Variants in STAT3 observed in about 807,000 individuals in gnomAD.
STAT3 encodes the protein signal transducer and activator of transcription 3, also known as DNA-binding protein APRF.
STAT3 carries 7 observed loss-of-function variants against 114.3 expected under a neutral mutation model. The ratio of observed to expected loss-of-function variants is 0.06; its 90% CI spans 0.03 to 0.11. The LOEUF is 0.11. STAT3 is among the 10% of genes least tolerant of loss of function. The pLI is 1.00. For missense variants in STAT3, 364 were observed against 960.9 expected, an observed-to-expected ratio of 0.38 and a Z score of 8.21; for synonymous variants, 331 against 354.5, an observed-to-expected ratio of 0.93 and a Z score of 0.74.
At position 42,384,123 on chromosome 17, in the gene STAT3, TA is replaced by T. The variant is rs1353180405; in HGVS notation, c.-24+4155del. On this transcript the variant is annotated intron_variant, in intron 1 of 23. Coordinates refer to ENST00000264657, the MANE Select transcript of STAT3 (RefSeq NM_139276.3). ...GGCTCCAAAGTTTTATTTATTTATT[TA>T]TTTATTTATTTTTTTTTTTTTTGAG... is the stretch of plus-strand genomic sequence containing the variant. 1.2e-4 allele frequency among the ~76,000 whole-genome samples: 10 copies of T among 82,838 alleles called. No homozygotes were observed. The East Asian group carries it at 1.3e-3, about 11-fold the overall frequency. 54.3% of individuals were successfully genotyped at this position (82,838 alleles called of 152,430 possible). A position where few individuals can be genotyped will look rare whatever the true frequency, so the allele number is the denominator to read the frequency against.
chr17:42,379,180 G>C (rs8071969), intron 1 of STAT3, among the ~76,000 whole-genome samples: 2,218 of 152,264 alleles, frequency 0.015, 60 homozygotes, highest in African/African-American at 0.047. Flanking sequence ...CCACAATAGG[G>C]AAGCCAAGCC....
At chr17:42,326,050 A>G in intron 15 of STAT3, 66 bp downstream of exon 15, 3 of 1,359,696 alleles carry the variant, frequency 2.2e-6, no homozygotes, top group Non-Finnish European at 3.2e-6. Flanking sequence ...TAAAAATCCC[A>G]GTGGAAGTTT....
intron 8 of STAT3, among the ~76,000 whole-genome samples, chr17:42,335,993 T>C (rs2082215026): frequency 1.3e-5 from 2 of 152,154 alleles, no homozygotes; most frequent in African/African-American, 2.4e-5. Context: ...GCTGCAGGGA[T>C]TTCTGAACTC....
At position 42,315,287 on chromosome 17, in the gene STAT3, T is replaced by C. The variant is rs1388933487; in HGVS notation, c.*458A>G. On this transcript the variant is annotated 3_prime_UTR_variant, in exon 24 of 24. Coordinates refer to ENST00000264657, the MANE Select transcript of STAT3 (RefSeq NM_139276.3). ...ATCTTCTATTTGGATGTCAGCAAGG[T>C]TAAAAAGTGCAATGCCAGGAGTATG... is the stretch of plus-strand genomic sequence containing the variant. 3.1e-6 allele frequency: 1 copy of C among 326,620 alleles called. No individual in the cohort carries two copies. Among genetic ancestry groups the C allele is most frequent in the African/African-American group, 2.1e-5 (1 of 47,068 alleles). The allele number at this position is 326,620 out of a possible 1,614,324, so 20.2% of individuals were successfully genotyped here.
At position 42,325,045 on chromosome 17, in the gene STAT3, A is replaced by G; in HGVS notation, c.1382T>C (p.Val461Ala). 1 of 1,613,994 alleles carries G rather than the reference A, an allele frequency of 6.2e-7. No homozygotes were observed. Among genetic ancestry groups the G allele is most frequent in the Non-Finnish European group, 8.5e-7 (1 of 1,179,922 alleles). The stretch of plus-strand genomic sequence containing the variant: ...CTGACAGATGTTGGAGATCACCACA[A>G]CTGGCAAGGAGTGGGTCTGCGGAGG... ...KIDLETHSLP[V>A]VVISNICQMP... The change falls in exon 16 of 24, where the codon GTT (valine) becomes GCT (alanine). Residue 461 changes from valine (V) to alanine (A), a missense_variant. Val to Ala is a moderately conservative substitution (Grantham distance 64). Around this residue, in one of 5 missense-constraint regions of STAT3, gnomAD observed 294 missense variants for 745.1 expected, o/e 0.39. Coordinates refer to ENST00000264657, the MANE Select transcript of STAT3 (RefSeq NM_139276.3).
At chr17:42,367,096 C>T (rs928690956) in intron 1 of STAT3, among the ~76,000 whole-genome samples, 2 of 150,898 alleles carry the variant, frequency 1.3e-5, no homozygotes, top group African/African-American at 2.4e-5. Context: ...GAGCTGAGAT[C>T]GCGCCACTGC....
At chr17:42,316,999 A>G (rs2081280494) in intron 22 of STAT3, 98 bp from the exon 23 acceptor site, 2 of 1,564,526 alleles carry the variant, frequency 1.3e-6, no homozygotes, top group South Asian at 1.2e-5. Context: ...AAGCCATCAA[A>G]CTCTGGTCTC....
intron 1 of STAT3, among the ~76,000 whole-genome samples, chr17:42,373,308 C>T (rs1201943819): frequency 1.3e-5 from 2 of 152,004 alleles, no homozygotes; most frequent in Non-Finnish European, 2.9e-5. Flanking sequence ...CGAGATCATG[C>T]CATTGCACTC....
intron 4 of STAT3, among the ~76,000 whole-genome samples, chr17:42,343,042 T>C (rs1180913035): frequency 6.7e-6 from 1 of 148,386 alleles, no homozygotes; most frequent in Non-Finnish European, 1.5e-5. Context: ...CATGGTGGCA[T>C]GTGCCTGTAG....
At position 42,316,662 on chromosome 17, in the gene STAT3, T is replaced by C. The variant is rs771372774; in HGVS notation, c.2257+127A>G. The C allele has an allele frequency of 1.6e-5, 24 of 1,545,624 alleles. No individual in the cohort carries two copies. The Admixed American group carries it at 1.6e-4, about 10-fold the overall frequency. On this transcript the variant is annotated intron_variant, in intron 23 of 23. Transcript: ENST00000264657. ...CATGTGGCATTCATACCATCTCTTT[T>C]GGAAAGCAAAGCTCTAGAATCTCCT...
chr17:42,343,476 T>G (rs976259319), intron 4 of STAT3, among the ~76,000 whole-genome samples: 14 of 114,802 alleles, frequency 1.2e-4, no homozygotes, highest in Non-Finnish European at 2.1e-4. Flanking sequence ...TTTTTTTTTT[T>G]CAGTCGGAGT....
rs934272651 is a variant in STAT3, at chr17:42,324,127, T to C, written c.1601-502A>G. Among the ~76,000 whole-genome samples the C allele has an allele frequency of 6.6e-6, 1 of 152,150 alleles. No homozygotes were observed. Among genetic ancestry groups the C allele is most frequent in the Non-Finnish European group, 1.5e-5 (1 of 68,016 alleles). ...CGAGGTGAAGAGACGGAGACTATCC[T>C]GGCCAACATGGTAAAACCCCGTCTC... On this transcript the variant is annotated intron_variant, in intron 17 of 23. Coordinates refer to ENST00000264657, the MANE Select transcript of STAT3 (RefSeq NM_139276.3). This position sits in a 1 kb window ranked among gnomAD's most constrained non-coding sequence, Gnocchi z 4.5.
rs2084374286 is a variant in STAT3, at chr17:42,375,030, C to G, written c.-24+13249G>C. Among the ~76,000 whole-genome samples, 5 of 152,328 alleles carry G rather than the reference C, an allele frequency of 3.3e-5. No homozygotes were observed. The South Asian group carries it at 1.0e-3, about 32-fold the overall frequency. ...AAAGGCTATTCTTTACCAGAATCGT[C>G]TGTAGGAATTAACCCCAGCAGTCAG... On this transcript the variant is annotated intron_variant, in intron 1 of 23. Coordinates refer to ENST00000264657, the MANE Select transcript of STAT3 (RefSeq NM_139276.3).
intron 1 of STAT3, among the ~76,000 whole-genome samples, chr17:42,384,495 A>G (rs1044632253): frequency 2.6e-5 from 4 of 151,842 alleles, no homozygotes; most frequent in Non-Finnish European, 4.4e-5. Flanking sequence ...CCTGTATTCA[A>G]TGTCTTTTGT....
chr17:42,315,428 G>A lies in STAT3; in HGVS notation c.*317C>T, dbSNP rs988675518. On this transcript the variant is annotated 3_prime_UTR_variant, in exon 24 of 24. Transcript: ENST00000264657. ...CAATAACAAAAAGCTGCTGAGAAAG[G>A]AGGGCAGGGGAACAAAACAACACAA... The A allele has an allele frequency of 2.0e-6, 1 of 498,390 alleles. No individual in the cohort carries two copies. The highest frequency in any genetic ancestry group is 2.2e-5 in the South Asian group (1 of 46,398). The allele number at this position is 498,390 out of a possible 1,614,324, so 30.9% of individuals were successfully genotyped here.
At chr17:42,334,339 G>A (rs938757213) in intron 8 of STAT3, among the ~76,000 whole-genome samples, 1 of 151,708 alleles carries the variant, frequency 6.6e-6, no homozygotes, top group African/African-American at 2.4e-5. Context: ...GGAGTGCAGT[G>A]GTGCAATCTC....
rs373256669 is a variant in STAT3 at position 42,322,334 on chromosome 17, G to A, written c.2049C>T (p.Phe683=). 5.4e-5 allele frequency: 87 copies of A among 1,614,096 alleles called. No individual in the cohort carries two copies. The African/African-American group carries it at 5.7e-4, about 11-fold the overall frequency. The part of the protein sequence containing the change: ...LYPDIPKEEA[F]GKYCRPESQE... ...GGCTCTCTGGCCGACAATACTTTCC[G>A]AATGCCTCCTCCTTGGGAATGTCAG... The change falls in exon 21 of 24, where the codon TTC becomes TTT. Residue 683 remains phenylalanine, a synonymous_variant. Coordinates refer to ENST00000264657, the MANE Select transcript of STAT3 (RefSeq NM_139276.3).
At position 42,369,053 on chromosome 17, in the gene STAT3, T is replaced by A. The variant is rs901693483; in HGVS notation, c.-24+19226A>T. 2.6e-5 allele frequency among the ~76,000 whole-genome samples: 4 copies of A among 152,120 alleles called. No homozygotes were observed. In the South Asian group the frequency reaches 8.3e-4, roughly 31 times the overall value. ...CTAAGGATAATAGCCTCCAGCTCCA[T>A]CCATGTTCCTGCAAAAACATGATCT... On this transcript the variant is annotated intron_variant, in intron 1 of 23. Coordinates refer to ENST00000264657, the MANE Select transcript of STAT3 (RefSeq NM_139276.3).
intron 1 of STAT3, among the ~76,000 whole-genome samples, chr17:42,358,259 A>AT (rs200407026): frequency 7.2e-5 from 11 of 151,990 alleles, no homozygotes; most frequent in African/African-American, 2.4e-4. Context: ...CTACAAAAAA[A>AT]TTTTTTTAAA....
Sources: gnomAD v4.1 joint callset for allele counts (sites outside exome capture counted in the v4.1 genomes callset) on GRCh38, gnomAD v4.1.1 for gene constraint, gnomAD v4.1.1 regional missense constraint, Gnocchi (gnomAD v3.1) non-coding constraint, MANE v1.5 for transcripts, NCBI Gene and HGNC (gene_info 2026-07-23, HGNC 2026-07-21) for gene names.